Variants in THSD4 observed in about 807,000 individuals in gnomAD.
The protein encoded by THSD4 is thrombospondin type 1 domain containing 4.
THSD4 carries 69 observed loss-of-function variants against 119.0 expected under a neutral mutation model. The ratio of observed to expected loss-of-function variants is 0.58; its 90% CI spans 0.48 to 0.71. The LOEUF is 0.71. Among genes scored for constraint, THSD4 ranks in the 30% least tolerant of loss-of-function variants. The probability of loss-of-function intolerance (pLI) is 0.00; values close to 1 mark genes in which losing one functional copy is unlikely to be tolerated. For missense variants in THSD4, 1,393 were observed against 1,391.1 expected (o/e 1.00, Z -0.02); for synonymous variants, 524 against 540.4 (o/e 0.97, Z 0.42).
intron 7 of THSD4, among the ~76,000 whole-genome samples, chr15:71,560,267 T>C (rs1364542115): frequency 6.6e-6 from 1 of 152,196 alleles, no homozygotes; most frequent in Non-Finnish European, 1.5e-5. Context: ...ACTACAATAT[T>C]TTTCATATTC....
chr15:71,681,596 A>G (rs1248425168), intron 8 of THSD4, among the ~76,000 whole-genome samples: 2 of 149,842 alleles, frequency 1.3e-5, no homozygotes, highest in Admixed American at 6.7e-5. Context: ...AATCGATTGA[A>G]CCGGGGGGGT....
chr15:71,595,942 C>T (rs1309133300), intron 7 of THSD4, among the ~76,000 whole-genome samples: 2 of 152,190 alleles, frequency 1.3e-5, no homozygotes, highest in Non-Finnish European at 2.9e-5. Flanking sequence ...AGAGACATAG[C>T]ACAGTTTTTC....
intron 16 of THSD4, chr15:71,767,745 A>G (rs974691558): frequency 6.6e-6 from 1 of 152,222 alleles, no homozygotes; most frequent in Non-Finnish European, 1.5e-5. Context: ...TCAGTGACCA[A>G]TCTCGGGATT....
intron 7 of THSD4, among the ~76,000 whole-genome samples, chr15:71,440,672 A>G (rs567734871): frequency 6.6e-6 from 1 of 152,282 alleles, no homozygotes; most frequent in South Asian, 2.1e-4. Context: ...TGATCGTGAC[A>G]TCTAGTGTTC....
rs543771366 is a variant in THSD4, at chr15:71,098,939, C to T, written c.-80+1933C>T. ...GCAAGCCTAAAATCCAGGTCTGATCCAATCAAACTTGCTTGAATACTTGTA... is the reference window on the plus strand; with the variant it reads ...GCAAGCCTAAAATCCAGGTCTGATCTAATCAAACTTGCTTGAATACTTGTA... On this transcript the variant is annotated intron_variant, in intron 1 of 17. Coordinates refer to the THSD4 transcript ENST00000355327. 7.2e-5 allele frequency among the ~76,000 whole-genome samples: 11 copies of T among 152,274 alleles called. 1 individual carries two copies. Among genetic ancestry groups the T allele is most frequent in the African/African-American group, 2.6e-4 (11 of 41,552 alleles).
chr15:71,129,387 T>C (rs902074418), intron 1 of THSD4, among the ~76,000 whole-genome samples: 7 of 152,260 alleles, frequency 4.6e-5, no homozygotes, highest in Admixed American at 2.0e-4. Context: ...GTTTGAGTCA[T>C]AGGGAGAGCC....
chr15:71,460,194 A>C (rs2140611200), intron 7 of THSD4, among the ~76,000 whole-genome samples: 1 of 152,316 alleles, frequency 6.6e-6, no homozygotes, highest in African/African-American at 2.4e-5. Flanking sequence ...AGAGGTTGAA[A>C]GCTAGGTCAA....
intron 6 of THSD4, among the ~76,000 whole-genome samples, chr15:71,318,167 C>G (rs951443191): frequency 2.6e-5 from 4 of 152,100 alleles, no homozygotes; most frequent in African/African-American, 9.7e-5. Context: ...AGAACAGTCC[C>G]ACTTCCTTCC....
intron 8 of THSD4, among the ~76,000 whole-genome samples, chr15:71,708,457 G>C (rs2052437701): frequency 6.6e-6 from 1 of 152,222 alleles, no homozygotes; most frequent in Non-Finnish European, 1.5e-5. Flanking sequence ...AGTAATGGGA[G>C]TTTGAATGAG....
At chr15:71,634,983 C>T (rs986111658) in intron 7 of THSD4, among the ~76,000 whole-genome samples, 6 of 152,196 alleles carry the variant, frequency 3.9e-5, no homozygotes, top group African/African-American at 4.8e-5. Context: ...ATTGTTTGCA[C>T]ACAAAAGCCT....
intron 7 of THSD4, among the ~76,000 whole-genome samples, chr15:71,533,830 G>A (rs188507693): frequency 3.3e-5 from 5 of 152,242 alleles, no homozygotes; most frequent in African/African-American, 9.6e-5. Context: ...CCTACTGATC[G>A]GGTAGGAGAT....
rs1292555850 is a variant in THSD4, at chr15:71,473,036, G to A, written c.1152+61213G>A. ...ATTCTTAATGTTACCAAGTCTTTTT[G>A]ACTGTATTACTGTATTTGGCTTTTT... On this transcript the variant is annotated intron_variant, in intron 7 of 17. Coordinates refer to ENST00000261862, the MANE Select transcript of THSD4 (RefSeq NM_024817.3). Among the ~76,000 whole-genome samples, 5 of 148,648 alleles carry A rather than the reference G, an allele frequency of 3.4e-5. No homozygotes were observed. The East Asian group carries it at 9.9e-4, about 30-fold the overall frequency.
chr15:71,451,497 C>T (rs200985744), intron 7 of THSD4, among the ~76,000 whole-genome samples: 1 of 152,158 alleles, frequency 6.6e-6, no homozygotes, highest in East Asian at 1.9e-4. Context: ...GCATCTGCTG[C>T]TCCCCAAGTG....
At chr15:71,299,801 T>TA (rs1209690490) in intron 6 of THSD4, among the ~76,000 whole-genome samples, 2 of 151,992 alleles carry the variant, frequency 1.3e-5, no homozygotes, top group Non-Finnish European at 2.9e-5. Flanking sequence ...TTGTACCCCA[T>TA]AAAATTCATA....
At position 71,564,786 on chromosome 15, in the gene THSD4, CAT is replaced by C. The variant is rs1451285398; in HGVS notation, c.1153-95740_1153-95739del. Among the ~76,000 whole-genome samples, 8 of 36,498 alleles carry C rather than the reference CAT, an allele frequency of 2.2e-4. 1 individual carries two copies. The highest frequency in any genetic ancestry group is 6.0e-4 in the African/African-American group (6 of 10,066). 23.9% of individuals were successfully genotyped at this position (36,498 alleles called of 152,430 possible). ...ATACAATATATATTGTATATTATAA[CAT>C]ATAATACAATATATATTGTATATTA... On this transcript the variant is annotated intron_variant, in intron 7 of 17. Coordinates refer to ENST00000261862, the MANE Select transcript of THSD4 (RefSeq NM_024817.3).
chr15:71,642,029 G>A (rs2050868899), intron 7 of THSD4, among the ~76,000 whole-genome samples: 1 of 152,168 alleles, frequency 6.6e-6, no homozygotes, highest in African/African-American at 2.4e-5. Flanking sequence ...GGTTTTTGGA[G>A]GGCAGAACGT....
intron 8 of THSD4, among the ~76,000 whole-genome samples, chr15:71,691,466 G>C (rs966376217): frequency 2.6e-5 from 4 of 152,240 alleles, no homozygotes; most frequent in Non-Finnish European, 4.4e-5. Context: ...GGAGCAGCTT[G>C]TCTGGACGGG....
chr15:71,760,377 T>A (rs1398914895), intron 15 of THSD4, among the ~76,000 whole-genome samples: 1 of 152,222 alleles, frequency 6.6e-6, no homozygotes, highest in Non-Finnish European at 1.5e-5. Context: ...TTTCTGGCTT[T>A]AGAGTCTTTC....
intron 8 of THSD4, among the ~76,000 whole-genome samples, chr15:71,725,242 C>G (rs971489106): frequency 5.9e-5 from 8 of 135,210 alleles, no homozygotes; most frequent in Non-Finnish European, 9.7e-5. Context: ...GATGGTGGTA[C>G]CATTTACTGA....
Sources: allele counts gnomAD v4.1 joint callset (sites outside exome capture counted in the v4.1 genomes callset), GRCh38; gene constraint gnomAD v4.1.1; transcripts MANE v1.5; gene names NCBI Gene and HGNC (gene_info 2026-07-23, HGNC 2026-07-21).